Variants in MCC observed in about 807,000 individuals in gnomAD.
MCC encodes MCC regulator of Wnt signaling pathway, also known as colorectal mutant cancer protein.
MCC carries 90 observed loss-of-function variants against 116.2 expected under a neutral mutation model. The ratio of observed to expected loss-of-function variants is 0.77; its 90% CI spans 0.65 to 0.92. MCC has a LOEUF of 0.92. MCC is among the 40% of genes least tolerant of loss of function. The pLI, the probability that MCC is intolerant of heterozygous loss-of-function variation, is 0.00. For missense variants in MCC, 1,516 were observed against 1,312.2 expected, an observed-to-expected ratio of 1.16 and a Z score of -2.40; for synonymous variants, 578 against 510.5, an observed-to-expected ratio of 1.13 and a Z score of -1.78.
At chr5:113,333,793 A>ATATG (rs1348509467) in intron 3 of MCC, among the ~76,000 whole-genome samples, 1 of 54,804 alleles carries the variant, frequency 1.8e-5, no homozygotes, top group Non-Finnish European at 3.7e-5. Context: ...ATATATTTAT[A>ATATG]TATATATGTA....
intron 11 of MCC, among the ~76,000 whole-genome samples, chr5:113,078,960 G>C (rs1022376261): frequency 6.6e-6 from 1 of 152,194 alleles, no homozygotes; most frequent in Non-Finnish European, 1.5e-5. Context: ...CTTCAGAAAA[G>C]TCTCAGGATA....
rs1162525447 is a variant in MCC at position 113,081,019 on chromosome 5, A to G, written c.1784+1841T>C. Among the ~76,000 whole-genome samples, 4 of 152,304 alleles carry G rather than the reference A, an allele frequency of 2.6e-5. No homozygotes were observed. In the East Asian group the frequency reaches 7.7e-4, roughly 29 times the overall value. ...CATGCCACATAGCCTAGCATATAGCAGATGCTTAACACAGATTTGCTAAAG... is the reference window on the plus strand; with the variant it reads ...CATGCCACATAGCCTAGCATATAGCGGATGCTTAACACAGATTTGCTAAAG... On this transcript the variant is annotated intron_variant, in intron 11 of 18. Transcript: ENST00000408903.
intron 3 of MCC, among the ~76,000 whole-genome samples, chr5:113,185,082 C>T (rs77075675): frequency 0.022 from 3,334 of 152,302 alleles, 65 homozygotes; most frequent in East Asian, 0.077. Flanking sequence ...CGTTAGGCCA[C>T]TCCACGTGGA....
At chr5:113,294,358 C>T (rs1194049652) in intron 3 of MCC, 11 of 1,613,720 alleles carry the variant, frequency 6.8e-6, no homozygotes, top group Non-Finnish European at 8.5e-6. Flanking sequence ...GAGTCGTTTC[C>T]ATATTTCATG....
intron 3 of MCC, among the ~76,000 whole-genome samples, chr5:113,199,176 GA>G (rs960274604): frequency 6.7e-6 from 1 of 149,954 alleles, no homozygotes; most frequent in Non-Finnish European, 1.5e-5. Context: ...CGTCTCCAAA[GA>G]AAAAAAAAGA....
At chr5:113,343,415 C>T (rs1042235923) in intron 2 of MCC, among the ~76,000 whole-genome samples, 9 of 152,172 alleles carry the variant, frequency 5.9e-5, no homozygotes. Context: ...ACATAGACTG[C>T]CAAATGCCTG....
intron 1 of MCC, among the ~76,000 whole-genome samples, chr5:113,429,703 A>G (rs1270976113): frequency 6.6e-6 from 1 of 152,108 alleles, no homozygotes; most frequent in Non-Finnish European, 1.5e-5. Flanking sequence ...TGTTCTGTTC[A>G]GGGTTTCAGA....
intron 9 of MCC, among the ~76,000 whole-genome samples, 165 bp from the exon 10 acceptor site, chr5:113,084,355 C>A (rs1256149745): frequency 6.6e-6 from 1 of 152,210 alleles, no homozygotes; most frequent in African/African-American, 2.4e-5. Context: ...TAAGCCAGGG[C>A]CTTTCAACTT....
intron 3 of MCC, among the ~76,000 whole-genome samples, chr5:113,220,839 G>C (rs1442841343): frequency 6.6e-6 from 1 of 152,140 alleles, no homozygotes; most frequent in Non-Finnish European, 1.5e-5. Flanking sequence ...TACTGCACTG[G>C]CTAGAACATC....
At chr5:113,254,864 G>A (rs1298757102) in intron 3 of MCC, among the ~76,000 whole-genome samples, 2 of 152,088 alleles carry the variant, frequency 1.3e-5, no homozygotes, top group Non-Finnish European at 2.9e-5. Flanking sequence ...CTTCTCCCTT[G>A]CCTGCCTCTA....
intron 3 of MCC, among the ~76,000 whole-genome samples, chr5:113,219,890 C>G (rs1763473104): frequency 6.6e-6 from 1 of 151,842 alleles, no homozygotes. Flanking sequence ...CACACCCAAC[C>G]AACTTGGTAC....
At chr5:113,396,871 C>T (rs1296075020) in intron 1 of MCC, among the ~76,000 whole-genome samples, 1 of 152,002 alleles carries the variant, frequency 6.6e-6, no homozygotes, top group Non-Finnish European at 1.5e-5. Flanking sequence ...AACCAGAAGC[C>T]CATGATTCCA....
chr5:113,279,644 C>T (rs1306644508), intron 3 of MCC, among the ~76,000 whole-genome samples: 4 of 152,170 alleles, frequency 2.6e-5, no homozygotes, highest in Non-Finnish European at 4.4e-5. Flanking sequence ...TCTTCTAATA[C>T]TATTCATTTT....
chr5:113,186,552 C>T (rs1385228969), intron 3 of MCC, among the ~76,000 whole-genome samples: 2 of 152,118 alleles, frequency 1.3e-5, no homozygotes, highest in African/African-American at 4.8e-5. Flanking sequence ...TTTAACCTGC[C>T]CTGCCTGGCA....
At chr5:113,478,423 C>T (rs745774015) in intron 1 of MCC, among the ~76,000 whole-genome samples, 21 of 152,102 alleles carry the variant, frequency 1.4e-4, no homozygotes, top group Non-Finnish European at 2.8e-4. Context: ...GGTAGGGTTG[C>T]CAATGGGTTG....
intron 3 of MCC, among the ~76,000 whole-genome samples, chr5:113,337,481 G>A (rs375071425): frequency 6.6e-6 from 1 of 152,164 alleles, no homozygotes; most frequent in Non-Finnish European, 1.5e-5. Flanking sequence ...GGTGAGGGGA[G>A]GGCCCTCTTC....
intron 3 of MCC, among the ~76,000 whole-genome samples, chr5:113,242,953 A>G (rs1445501361): frequency 6.6e-6 from 1 of 152,232 alleles, no homozygotes; most frequent in Non-Finnish European, 1.5e-5. Flanking sequence ...GAGCGAGATC[A>G]TCAGGCAAAT....
intron 1 of MCC, among the ~76,000 whole-genome samples, chr5:113,429,198 G>C (rs1770559930): frequency 1.3e-5 from 2 of 151,914 alleles, no homozygotes; most frequent in East Asian, 3.9e-4. Flanking sequence ...GTCTTTAGGA[G>C]GTAATTAATG....
chr5:113,066,257 A>G (rs1753595443), intron 13 of MCC, among the ~76,000 whole-genome samples: 2 of 151,918 alleles, frequency 1.3e-5, no homozygotes, highest in Admixed American at 6.6e-5. Context: ...AGGTTAAGAC[A>G]CTCCGCTGAT....
Sources: allele counts gnomAD v4.1 joint callset (sites outside exome capture counted in the v4.1 genomes callset), GRCh38; gene constraint gnomAD v4.1.1; transcripts MANE v1.5; gene names NCBI Gene and HGNC (gene_info 2026-07-23, HGNC 2026-07-21).